PCDH15: variants seen among roughly 807,000 people sequenced by gnomAD.
PCDH15 encodes the protein protocadherin-15.
In PCDH15, 129 loss-of-function variants were observed where a neutral mutation model predicts 178.5. The ratio of observed to expected loss-of-function variants is 0.72; its 90% CI spans 0.63 to 0.84. The LOEUF (loss-of-function observed/expected upper bound fraction) is 0.84. PCDH15 is among the 40% of genes least tolerant of loss of function. The probability of loss-of-function intolerance (pLI) is 0.00; values close to 1 mark genes in which losing one functional copy is unlikely to be tolerated. For synonymous variants in PCDH15, 800 were observed against 732.0 expected (o/e 1.09, Z -1.50); for missense variants, 2,230 against 2,099.9 (o/e 1.06, Z -1.21).
At chr10:55,174,620 G>T (rs919439552) in intron 1 of PCDH15, among the ~76,000 whole-genome samples, 1 of 152,140 alleles carries the variant, frequency 6.6e-6, no homozygotes, top group Non-Finnish European at 1.5e-5. Context: ...GTCATCTCAG[G>T]AGAGGCTGCA....
chr10:54,296,144 C>CAAAAAAAAAAAAAAAAAAA (rs59721161), intron 8 of PCDH15, among the ~76,000 whole-genome samples: 4 of 48,220 alleles, frequency 8.3e-5, no homozygotes, highest in African/African-American at 2.4e-4. Flanking sequence ...GACTCCGTCT[C>CAAAAAAAAAAAAAAAAAAA]AAAAAAAAAA....
At chr10:55,449,354 G>A (rs955023013) in intron 2 of PCDH15, among the ~76,000 whole-genome samples, 1 of 152,048 alleles carries the variant, frequency 6.6e-6, no homozygotes, top group East Asian at 1.9e-4. Flanking sequence ...AAGTACCCCA[G>A]AAACCTAAGC....
intron 2 of PCDH15, among the ~76,000 whole-genome samples, chr10:55,070,453 G>A (rs1242602765): frequency 1.3e-5 from 2 of 152,028 alleles, no homozygotes; most frequent in Non-Finnish European, 2.9e-5. Flanking sequence ...ATTAATTTTT[G>A]TATAAGGTGT....
intron 2 of PCDH15, among the ~76,000 whole-genome samples, chr10:54,983,192 T>A (rs1591819029): frequency 1.3e-5 from 2 of 152,168 alleles, no homozygotes; most frequent in African/African-American, 4.8e-5. Flanking sequence ...CATCAAATCC[T>A]TTGGAAATTA....
At chr10:54,952,207 G>A (rs1838362864) in intron 2 of PCDH15, among the ~76,000 whole-genome samples, 1 of 151,788 alleles carries the variant, frequency 6.6e-6, no homozygotes, top group Non-Finnish European at 1.5e-5. Flanking sequence ...TCTGTGTCTA[G>A]ATTAATATTT....
chr10:54,643,851 G>T (rs2094054711), intron 2 of PCDH15, among the ~76,000 whole-genome samples: 1 of 147,244 alleles, frequency 6.8e-6, no homozygotes, highest in South Asian at 2.2e-4. Flanking sequence ...AAGTTTTAGG[G>T]TACATGTGCA....
intron 2 of PCDH15, among the ~76,000 whole-genome samples, chr10:55,102,544 A>G (rs942004962): frequency 1.3e-5 from 2 of 152,208 alleles, no homozygotes; most frequent in Admixed American, 6.6e-5. Flanking sequence ...CAAATGTTAT[A>G]TAAATGACCC....
chr10:55,155,749 C>T (rs1339291216), intron 2 of PCDH15, among the ~76,000 whole-genome samples: 4 of 152,034 alleles, frequency 2.6e-5, no homozygotes, highest in Non-Finnish European at 4.4e-5. Flanking sequence ...AAGTACTCAT[C>T]AAGTCCCTGA....
At chr10:53,826,879 T>C (rs1047656269) in intron 32 of PCDH15, among the ~76,000 whole-genome samples, 9 of 152,130 alleles carry the variant, frequency 5.9e-5, no homozygotes, top group Non-Finnish European at 1.2e-4. Flanking sequence ...TTCTATATCA[T>C]ATAACGTCCT....
At chr10:54,101,195 C>T (rs144889916) in intron 15 of PCDH15, among the ~76,000 whole-genome samples, 274 of 152,272 alleles carry the variant, frequency 1.8e-3, no homozygotes, top group African/African-American at 6.5e-3. Flanking sequence ...CACTTCTCTG[C>T]CGCCATGTGA....
At chr10:54,942,606 T>C (rs1170316650) in intron 2 of PCDH15, among the ~76,000 whole-genome samples, 3 of 152,012 alleles carry the variant, frequency 2.0e-5, no homozygotes, top group Non-Finnish European at 2.9e-5. Context: ...TGGAATGACT[T>C]ATCACAGCCA....
chr10:54,448,814 T>G (rs781330023), intron 3 of PCDH15, among the ~76,000 whole-genome samples: 1 of 151,802 alleles, frequency 6.6e-6, no homozygotes, highest in Non-Finnish European at 1.5e-5. Flanking sequence ...TAGTGTCATT[T>G]AATCAAACCC....
At chr10:54,656,026 A>G (rs1479957272) in intron 2 of PCDH15, 1 of 152,214 alleles carries the variant, frequency 6.6e-6, no homozygotes, top group Non-Finnish European at 1.5e-5. Flanking sequence ...TAAAAAAGAC[A>G]AAATCTCTGG....
At chr10:55,198,437 G>A (rs1840152935) in intron 1 of PCDH15, among the ~76,000 whole-genome samples, 1 of 152,066 alleles carries the variant, frequency 6.6e-6, no homozygotes. Context: ...TTTTAAAAGT[G>A]CTCATGAGAT....
intron 3 of PCDH15, among the ~76,000 whole-genome samples, chr10:54,489,940 G>A (rs2079431881): frequency 6.6e-6 from 1 of 152,116 alleles, no homozygotes; most frequent in South Asian, 2.1e-4. Flanking sequence ...TAGGTAAAAT[G>A]TTTAGTTCAA....
intron 1 of PCDH15, among the ~76,000 whole-genome samples, chr10:55,316,784 A>T (rs1229027735): frequency 1.3e-5 from 2 of 152,176 alleles, no homozygotes; most frequent in Non-Finnish European, 2.9e-5. Context: ...TTATTTTGAA[A>T]TTGAAAATGA....
intron 26 of PCDH15, among the ~76,000 whole-genome samples, chr10:53,881,471 T>G (rs1327567642): frequency 6.6e-6 from 1 of 152,154 alleles, no homozygotes; most frequent in Non-Finnish European, 1.5e-5. Context: ...AAAATAATCA[T>G]TGATAAAATT....
At chr10:54,115,346 G>C (rs1355810711) in intron 15 of PCDH15, among the ~76,000 whole-genome samples, 1 of 152,172 alleles carries the variant, frequency 6.6e-6, no homozygotes, top group Non-Finnish European at 1.5e-5. Context: ...GTCAAGCATT[G>C]AGCATGGGAA....
intron 2 of PCDH15, among the ~76,000 whole-genome samples, chr10:54,597,550 A>T (rs2092301638): frequency 6.6e-6 from 1 of 151,908 alleles, no homozygotes; most frequent in South Asian, 2.1e-4. Context: ...CAGAAGCAAG[A>T]GAAAAACAAC....
Sources: allele counts gnomAD v4.1 joint callset (sites outside exome capture counted in the v4.1 genomes callset), GRCh38; gene constraint gnomAD v4.1.1; transcripts MANE v1.5; gene names NCBI Gene and HGNC (gene_info 2026-07-23, HGNC 2026-07-21).